Variants in DYNC2H1 observed in about 807,000 individuals in gnomAD.
DYNC2H1 encodes the protein dynein cytoplasmic 2 heavy chain 1.
A neutral mutation model predicts 570.0 loss-of-function variants in DYNC2H1; 410 were observed. That is an observed-to-expected ratio of 0.72 (90% CI 0.66 to 0.78). The LOEUF is 0.78. DYNC2H1 is among the 30% of genes least tolerant of loss of function. The pLI is 0.00. For synonymous variants in DYNC2H1, 1,688 were observed against 1,677.6 expected (o/e 1.01, Z -0.15); for missense variants, 4,865 against 5,046.4 (o/e 0.96, Z 1.09).
intron 88 of DYNC2H1, among the ~76,000 whole-genome samples, chr11:103,477,237 TAG>T (rs948977008): frequency 3.3e-5 from 5 of 152,224 alleles, no homozygotes; most frequent in Admixed American, 2.0e-4. Context: ...ATTCATATAC[TAG>T]AGTGTTTTGT....
At position 103,241,795 on chromosome 11, in the gene DYNC2H1, AG is replaced by A. The variant is rs771739679; in HGVS notation, c.9820-1896del. The stretch of plus-strand genomic sequence containing the variant: ...TGATGCTCATACAGTGTAACGTGGC[AG>A]GAGGTATGATGGGAGTAGTCTACTG... On this transcript the variant is annotated intron_variant, in intron 63 of 88. Transcript: ENST00000375735. The surrounding 1 kb of genome is among the most constrained non-coding windows in gnomAD (Gnocchi z 5.1). Among the ~76,000 whole-genome samples the A allele has an allele frequency of 3.9e-5, 6 of 152,142 alleles. No homozygotes were observed. The highest frequency in any genetic ancestry group is 1.3e-4 in the Admixed American group (2 of 15,276).
intron 84 of DYNC2H1, chr11:103,407,374 T>C (rs1259450251): frequency 2.0e-5 from 3 of 148,432 alleles, no homozygotes; most frequent in African/African-American, 7.5e-5. Context: ...TCAATTCCTA[T>C]AGTTCTAGAA....
At chr11:103,218,444 A>G (rs1404970433) in intron 55 of DYNC2H1, among the ~76,000 whole-genome samples, 3 of 152,202 alleles carry the variant, frequency 2.0e-5, no homozygotes, top group African/African-American at 7.2e-5. Flanking sequence ...TTTTTTCTCA[A>G]GGTATTTTGG....
intron 55 of DYNC2H1, among the ~76,000 whole-genome samples, chr11:103,216,087 A>C (rs547140881): frequency 3.0e-4 from 45 of 151,676 alleles, no homozygotes; most frequent in African/African-American, 1.0e-3. Flanking sequence ...ACTTATGTAA[A>C]CTCTTTTTAT....
chr11:103,354,653 AAAC>A (rs1011421218), intron 82 of DYNC2H1, among the ~76,000 whole-genome samples: 82 of 152,258 alleles, frequency 5.4e-4, no homozygotes, highest in African/African-American at 1.9e-3. Flanking sequence ...TGTCTCAAAA[AAAC>A]TCATATTTTA....
In DYNC2H1 at chr11:103,177,673, A is replaced by G; in HGVS notation, c.5992A>G (p.Lys1998Glu). The change falls in exon 38 of 89, where the codon AAA becomes GAA. Residue 1998 changes from lysine (K) to glutamate (E), a missense_variant. Physicochemically the swap from Lys to Glu is moderately conservative, Grantham distance 56. Around this residue, in one of 5 missense-constraint regions of DYNC2H1, gnomAD observed 231 missense variants for 310.3 expected, o/e 0.74. Coordinates refer to ENST00000375735, the MANE Select transcript of DYNC2H1 (RefSeq NM_001377.3). The surrounding 1 kb of genome is among the most constrained non-coding windows in gnomAD (Gnocchi z 4.4). ...LWRMLRAALCKTGKVVKQYTM... is the reference protein window; with the variant it reads ...LWRMLRAALCETGKVVKQYTM... ...GAGAATGTTAAGGGCTGCGCTTTGTAAAACTGGCAAAGTAGTGAAACAATA... is the reference window on the plus strand; with the variant it reads ...GAGAATGTTAAGGGCTGCGCTTTGTGAAACTGGCAAAGTAGTGAAACAATA... 1 of 1,613,412 alleles carries G rather than the reference A, an allele frequency of 6.2e-7. No homozygotes were observed. The highest frequency in any genetic ancestry group is 8.5e-7 in the Non-Finnish European group (1 of 1,179,682).
At chr11:103,364,027 G>T (rs1473406230) in intron 83 of DYNC2H1, among the ~76,000 whole-genome samples, 3 of 152,040 alleles carry the variant, frequency 2.0e-5, no homozygotes, top group Non-Finnish European at 1.5e-5. Context: ...CAAATGTCTG[G>T]CTATTCTAGA....
Position 103,307,728 on chromosome 11 carries a change from A to G in DYNC2H1, c.11390A>G (p.Asn3797Ser). 6.3e-7 allele frequency: 1 copy of G among 1,577,808 alleles called. No homozygotes were observed. The highest frequency in any genetic ancestry group is 8.6e-7 in the Non-Finnish European group (1 of 1,160,608). ...SWLPVLEKEL[N>S]TLQPKDTFRL... Reference sequence around the variant, plus strand: ...ATTGGTTTTGTAAACAAGGAATTGAATACTCTTCAACCTAAAGATACCTTT... The same window carrying G: ...ATTGGTTTTGTAAACAAGGAATTGAGTACTCTTCAACCTAAAGATACCTTT... The change falls in exon 78 of 89, where the codon AAT becomes AGT. Residue 3797 changes from asparagine (N) to serine (S), a missense_variant. Coordinates refer to ENST00000375735, the MANE Select transcript of DYNC2H1 (RefSeq NM_001377.3).
At chr11:103,467,536 GTTTT>G (rs1945230805) in intron 87 of DYNC2H1, among the ~76,000 whole-genome samples, 1 of 151,390 alleles carries the variant, frequency 6.6e-6, no homozygotes, top group Non-Finnish European at 1.5e-5. Flanking sequence ...GTTTTGTTTT[GTTTT>G]GTTTTGTTTT....
intron 50 of DYNC2H1, among the ~76,000 whole-genome samples, chr11:103,202,690 T>C (rs1452524199): frequency 6.6e-6 from 1 of 152,140 alleles, no homozygotes; most frequent in Non-Finnish European, 1.5e-5. Flanking sequence ...GTGATGGGCC[T>C]TATATGAATG....
chr11:103,189,943 G>A lies in DYNC2H1; in HGVS notation c.7437+127G>A, dbSNP rs1160229167. On this transcript the variant is annotated intron_variant, in intron 45 of 88. Coordinates refer to ENST00000375735, the MANE Select transcript of DYNC2H1 (RefSeq NM_001377.3). This position sits in a 1 kb window ranked among gnomAD's most constrained non-coding sequence, Gnocchi z 4.3. ...CTGTTTATTAGACTTTTCTAGTAGA[G>A]AGTAACTGTGAAGACAGGTGCTGTG... is the stretch of plus-strand genomic sequence containing the variant. 1 of 939,158 alleles carries A rather than the reference G, an allele frequency of 1.1e-6. No individual in the cohort carries two copies. The allele number at this position is 939,158 out of a possible 1,614,324, so 58.2% of individuals were successfully genotyped here.
At chr11:103,194,821 G>A (rs899625002) in intron 47 of DYNC2H1, among the ~76,000 whole-genome samples, 4 of 152,080 alleles carry the variant, frequency 2.6e-5, no homozygotes, top group Non-Finnish European at 5.9e-5. Flanking sequence ...GGGCTCAAGT[G>A]ATTCTTCTGC....
chr11:103,198,094 A>G (rs1358363796), intron 48 of DYNC2H1, 31 bp downstream of exon 48: 2 of 1,543,780 alleles, frequency 1.3e-6, no homozygotes, highest in Non-Finnish European at 1.8e-6. Context: ...TGGAACTGGG[A>G]TTTGGTCATT....
intron 12 of DYNC2H1, among the ~76,000 whole-genome samples, chr11:103,125,814 T>C (rs1423690355): frequency 6.6e-6 from 1 of 152,240 alleles, no homozygotes; most frequent in African/African-American, 2.4e-5. Flanking sequence ...TGGCCTTTAC[T>C]ACTTATGTAC....
intron 63 of DYNC2H1, among the ~76,000 whole-genome samples, chr11:103,238,653 T>A (rs1295193520): frequency 6.6e-6 from 1 of 152,072 alleles, no homozygotes; most frequent in Non-Finnish European, 1.5e-5. Flanking sequence ...GGAGGAGGCT[T>A]TGCTAAGAAA....
At chr11:103,166,130 A>G (rs1861295348) in intron 31 of DYNC2H1, 82 bp downstream of exon 31, 4 of 1,198,224 alleles carry the variant, frequency 3.3e-6, no homozygotes, top group Admixed American at 3.1e-5. Context: ...TGTGTTTTTG[A>G]CTGTATATCT....
At chr11:103,378,443 A>G (rs576967193) in intron 83 of DYNC2H1, among the ~76,000 whole-genome samples, 11 of 152,310 alleles carry the variant, frequency 7.2e-5, no homozygotes, top group Non-Finnish European at 1.2e-4. Context: ...ACTCAAAATG[A>G]GCTAATTAGG....
Position 103,299,017 on chromosome 11 carries a change from A to G in DYNC2H1, c.11096-4076A>G, listed in dbSNP as rs1866946329. ...GTAGTGACCAGATGCAAGTATTCTT[A>G]CTTCTGTAATTCTGATATAATTTTG... On this transcript the variant is annotated intron_variant, in intron 75 of 88. Coordinates refer to ENST00000375735, the MANE Select transcript of DYNC2H1 (RefSeq NM_001377.3). The surrounding 1 kb of genome is among the most constrained non-coding windows in gnomAD (Gnocchi z 4.5). Among the ~76,000 whole-genome samples the G allele has an allele frequency of 2.6e-5, 4 of 152,108 alleles. No homozygotes were observed. In the South Asian group the frequency reaches 8.3e-4, roughly 32 times the overall value.
chr11:103,385,466 T>C (rs1431837239), intron 83 of DYNC2H1, among the ~76,000 whole-genome samples: 1 of 152,166 alleles, frequency 6.6e-6, no homozygotes, highest in African/African-American at 2.4e-5. Context: ...TCTCAGTGTT[T>C]CTGTGTAAAA....
Sources: gnomAD v4.1 joint callset for allele counts (sites outside exome capture counted in the v4.1 genomes callset) on GRCh38, gnomAD v4.1.1 for gene constraint, gnomAD v4.1.1 regional missense constraint, Gnocchi (gnomAD v3.1) non-coding constraint, MANE v1.5 for transcripts, NCBI Gene and HGNC (gene_info 2026-07-23, HGNC 2026-07-21) for gene names.